Variants in GREB1L observed in about 807,000 individuals in gnomAD.
GREB1L encodes GREB1 like retinoic acid receptor coactivator, also known as GREB1-like protein.
GREB1L carries 17 observed loss-of-function variants against 200.8 expected under a neutral mutation model. The observed-to-expected ratio is 0.08, with a 90% confidence interval of 0.06 to 0.13. The LOEUF is 0.13. GREB1L is among the 10% of genes least tolerant of loss of function. The pLI is 1.00. For synonymous variants in GREB1L, 789 were observed against 893.0 expected, an observed-to-expected ratio of 0.88 and a Z score of 2.08; for missense variants, 1,657 against 2,367.7, an observed-to-expected ratio of 0.70 and a Z score of 6.23.
chr18:21,482,366 G>A (rs765850792), intron 17 of GREB1L, among the ~76,000 whole-genome samples: 2 of 152,130 alleles, frequency 1.3e-5, no homozygotes, highest in Admixed American at 6.5e-5. Flanking sequence ...CAAGCGATTC[G>A]TCTGCATCAG....
At chr18:21,458,477 GA>G (rs2034881052) in intron 15 of GREB1L, among the ~76,000 whole-genome samples, 1 of 152,186 alleles carries the variant, frequency 6.6e-6, no homozygotes, top group Admixed American at 6.5e-5. Context: ...AGTCTGCCAG[GA>G]AAAGCACCCA....
intron 1 of GREB1L, among the ~76,000 whole-genome samples, chr18:21,266,239 A>G (rs1198066970): frequency 2.6e-5 from 4 of 152,212 alleles, no homozygotes; most frequent in Non-Finnish European, 5.9e-5. Context: ...ATTGTGTTCA[A>G]ATAGGGTTTC....
At position 21,518,042 on chromosome 18, in the gene GREB1L, G is replaced by T. The variant is rs151071927; in HGVS notation, c.5280G>T (p.Glu1760Asp). 6.4e-7 allele frequency: 1 copy of T among 1,551,124 alleles called. No homozygotes were observed. The highest frequency in any genetic ancestry group is 1.4e-5 in the African/African-American group (1 of 73,012). ...CTCGCCTCTGATTTCAGGTGTCAGA[G>T]AGCTTAGCACCCATCTTGCCCCTTC... ...FIIKPKIMVS[E>D]SLAPILPLQY... Residue 1760 changes from glutamate (E) to aspartate (D), a missense_variant, in exon 31 of 33, where the codon GAG becomes GAT. By Grantham distance (45) the Glu-to-Asp change is conservative. This residue lies in a region of GREB1L where 190 missense variants were observed against 230.2 expected (regional missense o/e 0.83). Transcript: ENST00000424526.
chr18:21,503,262 A>C (rs898141348), intron 23 of GREB1L, among the ~76,000 whole-genome samples: 2 of 151,986 alleles, frequency 1.3e-5, no homozygotes, highest in Non-Finnish European at 2.9e-5. Flanking sequence ...GCTGGAGTGC[A>C]GTGGTATGAT....
intron 9 of GREB1L, 107 bp from the exon 10 acceptor site, chr18:21,441,293 T>C: frequency 2.1e-6 from 2 of 964,988 alleles, no homozygotes; most frequent in Non-Finnish European, 2.9e-6. Flanking sequence ...CAACAAACCA[T>C]TAGATTTCTA....
intron 1 of GREB1L, among the ~76,000 whole-genome samples, chr18:21,277,720 C>T (rs148139489): frequency 9.5e-4 from 145 of 152,248 alleles, no homozygotes; most frequent in African/African-American, 3.2e-3. Context: ...CCCTGTCACC[C>T]CTGTCATGCC....
intron 15 of GREB1L, among the ~76,000 whole-genome samples, chr18:21,459,820 T>C (rs73960431): frequency 0.042 from 6,418 of 152,254 alleles, 445 homozygotes; most frequent in African/African-American, 0.15. Context: ...ACTGGGAAAC[T>C]GCTGTCCTGA....
intron 1 of GREB1L, among the ~76,000 whole-genome samples, chr18:21,357,436 C>T (rs1022718278): frequency 1.3e-5 from 2 of 152,216 alleles, no homozygotes; most frequent in African/African-American, 2.4e-5. Context: ...TATGTTGGCT[C>T]TTCGCCCTGT....
chr18:21,460,530 G>T (rs1231994734), intron 15 of GREB1L, among the ~76,000 whole-genome samples: 4 of 151,986 alleles, frequency 2.6e-5, no homozygotes, highest in Admixed American at 6.6e-5. Flanking sequence ...TATATAGACG[G>T]AGTTTCACCA....
At chr18:21,357,764 A>G (rs2039526603) in intron 1 of GREB1L, among the ~76,000 whole-genome samples, 1 of 152,166 alleles carries the variant, frequency 6.6e-6, no homozygotes, top group South Asian at 2.1e-4. Flanking sequence ...TTTCTTGACA[A>G]TCAGTTGACC....
chr18:21,326,397 G>A (rs1190249133), intron 1 of GREB1L, among the ~76,000 whole-genome samples: 3 of 152,154 alleles, frequency 2.0e-5, no homozygotes, highest in Non-Finnish European at 4.4e-5. Flanking sequence ...TCCCAAGGGA[G>A]GCAATCTAGG....
At chr18:21,286,859 C>A (rs2038365985) in intron 1 of GREB1L, among the ~76,000 whole-genome samples, 1 of 152,134 alleles carries the variant, frequency 6.6e-6, no homozygotes, top group Admixed American at 6.5e-5. Context: ...GTTGCTTAGG[C>A]TGGTCTCAAA....
chr18:21,410,070 T>C (rs1341471071), intron 7 of GREB1L, among the ~76,000 whole-genome samples: 1 of 152,184 alleles, frequency 6.6e-6, no homozygotes. Flanking sequence ...TCTTTATTAA[T>C]TTATTAATAG....
At chr18:21,451,443 T>G in intron 13 of GREB1L, 1 of 223,628 alleles carries the variant, frequency 4.5e-6, no homozygotes, top group Non-Finnish European at 8.7e-6. Context: ...CGTTCCTTCC[T>G]TCCTCCTTCC....
chr18:21,304,672 C>T (rs1203659033), intron 1 of GREB1L, among the ~76,000 whole-genome samples: 1 of 151,958 alleles, frequency 6.6e-6, no homozygotes, highest in African/African-American at 2.4e-5. Flanking sequence ...CTGGAGATAG[C>T]CTTACTAGCA....
rs552471007 is a variant in GREB1L at position 21,272,065 on chromosome 18, A to G, written c.-120+29672A>G. ...ATGTTCTTTAAAATTATGATTGACT[A>G]CACACTACCCTCACAATGGAATGAT... On this transcript the variant is annotated intron_variant, in intron 1 of 32. Transcript: ENST00000424526. Among the ~76,000 whole-genome samples, 5 of 152,332 alleles carry G rather than the reference A, an allele frequency of 3.3e-5. No individual in the cohort carries two copies. The East Asian group carries it at 9.6e-4, about 29-fold the overall frequency.
At chr18:21,411,197 T>G (rs2030956477) in intron 7 of GREB1L, among the ~76,000 whole-genome samples, 1 of 151,944 alleles carries the variant, frequency 6.6e-6, no homozygotes, top group Non-Finnish European at 1.5e-5. Flanking sequence ...AAATAGTTGA[T>G]GTTGGCAAGG....
At chr18:21,339,588 A>G (rs2039238038) in intron 1 of GREB1L, among the ~76,000 whole-genome samples, 1 of 152,160 alleles carries the variant, frequency 6.6e-6, no homozygotes. Flanking sequence ...AAGTCACTCA[A>G]CCTTTTAGAG....
At chr18:21,459,278 A>ACTTTTTTTTTTTTTTTTTTTTTTTTTT in intron 15 of GREB1L, among the ~76,000 whole-genome samples, 1 of 85,202 alleles carries the variant, frequency 1.2e-5, no homozygotes, top group Non-Finnish European at 2.3e-5. Context: ...CTTTTTCTTT[A>ACTTTTTTTTTTTTTTTTTTTTTTTTTT]CTTTTTTTTT....
Sources: allele counts gnomAD v4.1 joint callset (sites outside exome capture counted in the v4.1 genomes callset), GRCh38; gene constraint gnomAD v4.1.1; regional missense constraint gnomAD v4.1.1; transcripts MANE v1.5; gene names NCBI Gene and HGNC (gene_info 2026-07-23, HGNC 2026-07-21).